Variants in PDZRN3 observed in about 807,000 individuals in gnomAD.
The protein encoded by PDZRN3 is PDZ domain containing ring finger 3.
Under a neutral mutation model 85.7 loss-of-function variants are expected in PDZRN3, and 38 were observed. That is an observed-to-expected ratio of 0.44 (90% confidence interval 0.34 to 0.58). The LOEUF is 0.58. Among genes scored for constraint, PDZRN3 ranks in the 20% least tolerant of loss-of-function variants. The pLI is 0.01. For missense variants in PDZRN3, 1,629 were observed against 1,506.4 expected, an observed-to-expected ratio of 1.08 and a Z score of -1.35; for synonymous variants, 759 against 638.0, an observed-to-expected ratio of 1.19 and a Z score of -2.86.
rs1054811455 is a variant in PDZRN3 at position 73,391,078 on chromosome 3, C to G, written c.1293G>C (p.Leu431=). ...DLYRMNSQDK[L]GLTVCYRTDD... is the part of the protein sequence containing the mutation. ...CCGTCCGGTAGCACACAGTGAGGCC[C>G]AGCTTGTCCTGGCTGTTCATTCTGT... The change falls in exon 6 of 10, where the codon CTG becomes CTC. Residue 431 remains leucine (L), a synonymous_variant. Transcript: ENST00000263666. 2 of 1,613,958 alleles carry G rather than the reference C, an allele frequency of 1.2e-6. No homozygotes were observed. Among genetic ancestry groups the G allele is most frequent in the Middle Eastern group, 1.7e-4 (1 of 6,060 alleles).
intron 3 of PDZRN3, among the ~76,000 whole-genome samples, chr3:73,412,937 A>C (rs1053921280): frequency 6.6e-6 from 1 of 152,174 alleles, no homozygotes; most frequent in African/African-American, 2.4e-5. Flanking sequence ...ATGGGGGTCT[A>C]AGTCCGTGCT....
rs535675873 is a variant in PDZRN3 at position 73,565,318 on chromosome 3, C to T, written c.918+37036G>A. Among the ~76,000 whole-genome samples the T allele has an allele frequency of 1.1e-4, 16 of 151,862 alleles. No individual in the cohort carries two copies. The East Asian group carries it at 1.4e-3, about 13-fold the overall frequency. On this transcript the variant is annotated intron_variant, in intron 3 of 9. Transcript: ENST00000263666. ...TAATTTTTTGTATTTTTGGTAGAGACGGGGTTTCACTATTTTGGCCAGGCT... is the reference window on the plus strand; with the variant it reads ...TAATTTTTTGTATTTTTGGTAGAGATGGGGTTTCACTATTTTGGCCAGGCT...
chr3:73,568,603 G>A (rs780697573), intron 3 of PDZRN3, among the ~76,000 whole-genome samples: 3 of 152,154 alleles, frequency 2.0e-5, no homozygotes, highest in Non-Finnish European at 4.4e-5. Flanking sequence ...TCACGCATGT[G>A]AGACAGACCG....
chr3:73,482,708 C>A (rs1314851655), intron 3 of PDZRN3, among the ~76,000 whole-genome samples: 1 of 152,200 alleles, frequency 6.6e-6, no homozygotes, highest in East Asian at 1.9e-4. Context: ...ATCCTCAGGG[C>A]TGGTCTGGAC....
intron 3 of PDZRN3, among the ~76,000 whole-genome samples, chr3:73,510,918 T>C (rs75248043): frequency 0.034 from 5,241 of 152,278 alleles, 142 homozygotes; most frequent in Non-Finnish European, 0.057. Context: ...ACTATACTCA[T>C]CTATTTTCAG....
chr3:73,609,735 C>T (rs9860279), intron 1 of PDZRN3, among the ~76,000 whole-genome samples: 54,170 of 152,098 alleles, frequency 0.36, 14,073 homozygotes, highest in African/African-American at 0.74. Flanking sequence ...TTTACTCTGA[C>T]ATTTTTGCTT....
intron 3 of PDZRN3, among the ~76,000 whole-genome samples, chr3:73,498,856 T>G (rs1377725600): frequency 6.6e-6 from 1 of 152,168 alleles, no homozygotes. Flanking sequence ...GTCCTGGGAT[T>G]ACAGGTGTGA....
chr3:73,476,872 A>G (rs572672709), intron 3 of PDZRN3, among the ~76,000 whole-genome samples: 4 of 152,324 alleles, frequency 2.6e-5, no homozygotes, highest in East Asian at 1.9e-4. Context: ...ACCAGTAGAC[A>G]GCTTGACTGC....
At chr3:73,399,080 C>T (rs144669274) in intron 5 of PDZRN3, among the ~76,000 whole-genome samples, 1 of 151,860 alleles carries the variant, frequency 6.6e-6, no homozygotes, top group South Asian at 2.1e-4. Flanking sequence ...TTTTCCAGAG[C>T]GGGGGGCTGT....
At chr3:73,581,959 G>A (rs1702207905) in intron 3 of PDZRN3, among the ~76,000 whole-genome samples, 1 of 151,942 alleles carries the variant, frequency 6.6e-6, no homozygotes. Context: ...AATTAGCTGT[G>A]TGTGGTGGCA....
At chr3:73,424,369 A>G (rs1702265530) in intron 3 of PDZRN3, among the ~76,000 whole-genome samples, 2 of 100,502 alleles carry the variant, frequency 2.0e-5, no homozygotes, top group African/African-American at 1.5e-4. Context: ...GTCTCTACCA[A>G]AAAAAAAAAA....
At chr3:73,493,365 T>G (rs1021869925) in intron 3 of PDZRN3, among the ~76,000 whole-genome samples, 1 of 152,158 alleles carries the variant, frequency 6.6e-6, no homozygotes, top group African/African-American at 2.4e-5. Flanking sequence ...ACAATACACA[T>G]GACCTCACGT....
intron 3 of PDZRN3, among the ~76,000 whole-genome samples, chr3:73,597,071 CGAAATGAAA>C (rs1702440177): frequency 6.6e-6 from 1 of 152,058 alleles, no homozygotes; most frequent in African/African-American, 2.4e-5. Flanking sequence ...GAAATTATGT[CGAAATGAAA>C]CATTTTTTAA....
At chr3:73,417,421 C>T (rs768213994) in intron 3 of PDZRN3, among the ~76,000 whole-genome samples, 11 of 152,184 alleles carry the variant, frequency 7.2e-5, no homozygotes, top group Non-Finnish European at 1.3e-4. Flanking sequence ...TTGAACTATT[C>T]TGGAGAACTA....
intron 5 of PDZRN3, among the ~76,000 whole-genome samples, chr3:73,392,593 C>T (rs1014251570): frequency 6.6e-6 from 1 of 152,176 alleles, no homozygotes; most frequent in African/African-American, 2.4e-5. Context: ...TTGACTGCCC[C>T]ATAGAAAGTC....
At chr3:73,573,390 A>G (rs974039958) in intron 3 of PDZRN3, among the ~76,000 whole-genome samples, 21 of 152,262 alleles carry the variant, frequency 1.4e-4, no homozygotes, top group African/African-American at 4.1e-4. Context: ...CCACAAAGCC[A>G]GAGCTATATT....
chr3:73,542,812 C>G (rs147704506), intron 3 of PDZRN3, among the ~76,000 whole-genome samples: 41 of 152,090 alleles, frequency 2.7e-4, no homozygotes, highest in Non-Finnish European at 3.5e-4. Context: ...ATAAAAAAGA[C>G]TCTCTTGCTG....
At chr3:73,396,146 C>T (rs1701631157) in intron 5 of PDZRN3, among the ~76,000 whole-genome samples, 1 of 152,112 alleles carries the variant, frequency 6.6e-6, no homozygotes, top group African/African-American at 2.4e-5. Context: ...TTGCTTGAAC[C>T]TAGGCGGCTG....
Position 73,400,987 on chromosome 3 carries a change from A to G in PDZRN3, c.1189T>C (p.Tyr397His), listed in dbSNP as rs777333584. 6.2e-7 allele frequency: 1 copy of G among 1,613,226 alleles called. No individual in the cohort carries two copies. Among genetic ancestry groups the G allele is most frequent in the South Asian group, 1.1e-5 (1 of 91,066 alleles). ...PEEHPSAHEYYDPNDYIGDIH... is the reference protein window; with the variant it reads ...PEEHPSAHEYHDPNDYIGDIH... Reference sequence around the variant, plus strand: ...TCTCCAATGTAGTCATTTGGATCGTAGTATTCATGGGCTGAGGGATGCCTG... The same window carrying G: ...TCTCCAATGTAGTCATTTGGATCGTGGTATTCATGGGCTGAGGGATGCCTG... Residue 397 changes from tyrosine to histidine, a missense_variant, in exon 5 of 10, where the codon TAC (tyrosine) becomes CAC (histidine). By Grantham distance (83) the Tyr-to-His change is moderately conservative. Coordinates refer to ENST00000263666, the MANE Select transcript of PDZRN3 (RefSeq NM_015009.3).
Sources: allele counts gnomAD v4.1 joint callset (sites outside exome capture counted in the v4.1 genomes callset), GRCh38; gene constraint gnomAD v4.1.1; transcripts MANE v1.5; gene names NCBI Gene and HGNC (gene_info 2026-07-23, HGNC 2026-07-21).